The following CPAMD8 variants were observed in gnomAD, a reference collection of about 807,000 sequenced individuals.
CPAMD8 encodes the protein C3 and PZP like alpha-2-macroglobulin domain containing 8.
CPAMD8 carries 146 observed loss-of-function variants against 224.7 expected under a neutral mutation model. The observed-to-expected ratio is 0.65, with a 90% CI of 0.57 to 0.75. The LOEUF is 0.75. Ranked by LOEUF, CPAMD8 falls within the 30% of genes least tolerant of loss-of-function variation. The pLI is 0.00. For missense variants in CPAMD8, 2,301 were observed against 2,537.5 expected (o/e 0.91, Z 2.00); for synonymous variants, 966 against 1,044.6 (o/e 0.92, Z 1.45).
chr19:16,962,262 C>A (rs1298586223), intron 18 of CPAMD8, among the ~76,000 whole-genome samples: 1 of 152,164 alleles, frequency 6.6e-6, no homozygotes, highest in African/African-American at 2.4e-5. Flanking sequence ...GGAGCACGTT[C>A]AAACCCATCG....
chr19:16,901,997 C>A (rs978413882), intron 35 of CPAMD8, among the ~76,000 whole-genome samples: 3 of 152,104 alleles, frequency 2.0e-5, no homozygotes, highest in African/African-American at 4.8e-5. Flanking sequence ...ACTCACCCAC[C>A]AATCGTCGCC....
intron 31 of CPAMD8, 22 bp downstream of exon 31, chr19:16,904,444 C>G: frequency 9.3e-6 from 15 of 1,613,852 alleles, no homozygotes; most frequent in Non-Finnish European, 1.3e-5. Flanking sequence ...GGCAGGCACC[C>G]GGGAGCTGGG....
chr19:16,988,705 C>CTTAT (rs2055832183), intron 13 of CPAMD8, among the ~76,000 whole-genome samples: 4 of 152,116 alleles, frequency 2.6e-5, no homozygotes, highest in Admixed American at 6.5e-5. Flanking sequence ...GATAAGGGAT[C>CTTAT]CCTGTGTCAG....
chr19:16,996,762 T>C (rs1266019514), intron 11 of CPAMD8, among the ~76,000 whole-genome samples: 1 of 143,342 alleles, frequency 7.0e-6, no homozygotes, highest in African/African-American at 2.6e-5. Context: ...GAGGTTGCAG[T>C]GAGCCGAGAT....
intron 30 of CPAMD8, among the ~76,000 whole-genome samples, chr19:16,905,914 C>T (rs1255122091): frequency 6.6e-6 from 1 of 152,004 alleles, no homozygotes; most frequent in African/African-American, 2.4e-5. Context: ...GGTGGGGAGA[C>T]TGACAGCTCA....
At chr19:17,020,918 C>T (rs1456429367) in intron 2 of CPAMD8, among the ~76,000 whole-genome samples, 1 of 152,048 alleles carries the variant, frequency 6.6e-6, no homozygotes, top group African/African-American at 2.4e-5. Flanking sequence ...CTGCCCAGCA[C>T]ACAACGCACG....
rs1555779271 is a variant in CPAMD8, at chr19:16,967,884, C to CACACACGTGTGTATATATGTGCATATAT, written c.2213+3006_2213+3007insATATATGCACATATATACACACGTGTGT. 8.2e-4 allele frequency among the ~76,000 whole-genome samples: 70 copies of CACACACGTGTGTATATATGTGCATATAT among 85,640 alleles called. 1 individual carries two copies. The highest frequency in any genetic ancestry group is 7.9e-3 in the East Asian group (33 of 4,160). The allele number at this position is 85,640 out of a possible 152,430, so 56.2% of individuals were successfully genotyped here. On this transcript the variant is annotated intron_variant, in intron 18 of 41. Coordinates refer to ENST00000443236, the MANE Select transcript of CPAMD8 (RefSeq NM_015692.5). ...ATACTTGTATATATGTGCATATATA[C>CACACACGTGTGTATATATGTGCATATAT]ACACACATGTGTGTGTATATATGTG...
intron 7 of CPAMD8, among the ~76,000 whole-genome samples, chr19:17,006,108 A>T (rs8102384): frequency 1.3e-4 from 19 of 151,860 alleles, no homozygotes; most frequent in Admixed American, 2.6e-4. Flanking sequence ...GACTTTAGGC[A>T]CCCGCCACCA....
rs770207491 is a variant in CPAMD8 at position 16,928,236 on chromosome 19, T to G, written c.3145-2A>C. ...GGATGGCTCTGGACCATGGCCAACC[T>G]GGAAAAAGAAACCAAGGCTGCTGGA... On this transcript the variant is annotated splice_acceptor_variant, in intron 24 of 41. Transcript: ENST00000443236. LOFTEE classifies it high-confidence loss of function. 6.2e-7 allele frequency: 1 copy of G among 1,608,234 alleles called. No homozygotes were observed. Among genetic ancestry groups the G allele is most frequent in the Admixed American group, 1.7e-5 (1 of 59,858 alleles).
chr19:16,930,504 G>C (rs1031002784), intron 23 of CPAMD8, among the ~76,000 whole-genome samples: 2 of 152,176 alleles, frequency 1.3e-5, no homozygotes, highest in African/African-American at 4.8e-5. Context: ...CAACAGAGAA[G>C]TGACAAGAAA....
In CPAMD8 at chr19:16,967,626, G is replaced by A. The variant is rs968082862; in HGVS notation, c.2213+3265C>T. Among the ~76,000 whole-genome samples, 11 of 151,876 alleles carry A rather than the reference G, an allele frequency of 7.2e-5. 1 individual carries two copies. The highest frequency in any genetic ancestry group is 2.7e-4 in the African/African-American group (11 of 41,358). Reference sequence around the variant, plus strand: ...TGGAGACCATCCTGGCTAACATGGTGAAACCCCGTCTCTACTAAAAAATAC... The same window carrying A: ...TGGAGACCATCCTGGCTAACATGGTAAAACCCCGTCTCTACTAAAAAATAC... On this transcript the variant is annotated intron_variant, in intron 18 of 41. Transcript: ENST00000443236.
intron 32 of CPAMD8, 38 bp downstream of exon 32, chr19:16,904,188 C>A: frequency 1.5e-6 from 2 of 1,370,608 alleles, no homozygotes; most frequent in South Asian, 2.5e-5. Context: ...CCCACCCACC[C>A]AGCCCTGAGC....
At chr19:16,917,994 T>C (rs1043259924) in intron 27 of CPAMD8, among the ~76,000 whole-genome samples, 1 of 152,130 alleles carries the variant, frequency 6.6e-6, no homozygotes, top group Admixed American at 6.6e-5. Flanking sequence ...CCGTGAACTT[T>C]ATTTTTTATT....
intron 23 of CPAMD8, among the ~76,000 whole-genome samples, chr19:16,937,374 T>C (rs1267469932): frequency 6.6e-6 from 1 of 152,096 alleles, no homozygotes; most frequent in East Asian, 1.9e-4. Context: ...GCCCAGGCTG[T>C]CCTGTGTTTT....
rs1332637434 is a variant in CPAMD8 at position 17,026,801 on chromosome 19, C to G, written c.-159G>C. On this transcript the variant is annotated 5_prime_UTR_variant, in exon 1 of 42. Transcript: ENST00000443236. Reference sequence around the variant, plus strand: ...GGCGCCATGCGCCCCGCTCCGCGCCCGGCCAAGCTGGGGCAGCCCCGGGCC... The same window carrying G: ...GGCGCCATGCGCCCCGCTCCGCGCCGGGCCAAGCTGGGGCAGCCCCGGGCC... 1.0e-5 allele frequency: 11 copies of G among 1,084,748 alleles called. No homozygotes were observed. The highest frequency in any genetic ancestry group is 6.7e-5 in the African/African-American group (4 of 59,294). The allele number at this position is 1,084,748 out of a possible 1,614,324, so 67.2% of individuals were successfully genotyped here.
At chr19:17,008,354 G>T in intron 7 of CPAMD8, 151 bp downstream of exon 7, 1 of 946,064 alleles carries the variant, frequency 1.1e-6, no homozygotes, top group Non-Finnish European at 1.6e-6. Flanking sequence ...TCACCTCCCA[G>T]GTGGGTACCT....
chr19:16,974,855 G>C (rs2055198097), intron 17 of CPAMD8, among the ~76,000 whole-genome samples: 1 of 152,106 alleles, frequency 6.6e-6, no homozygotes, highest in Non-Finnish European at 1.5e-5. Flanking sequence ...TGCACCTGTA[G>C]TGCCAGCTAC....
chr19:16,956,953 A>G (rs2054492018), intron 19 of CPAMD8, among the ~76,000 whole-genome samples: 1 of 152,088 alleles, frequency 6.6e-6, no homozygotes, highest in African/African-American at 2.4e-5. Context: ...GGCATGAGCT[A>G]CCATGCCCAG....
intron 23 of CPAMD8, among the ~76,000 whole-genome samples, chr19:16,932,827 C>T (rs1003806918): frequency 1.3e-5 from 2 of 152,174 alleles, no homozygotes; most frequent in Non-Finnish European, 2.9e-5. Flanking sequence ...ATTTAGGCAT[C>T]CAGATACAGG....
Sources: gnomAD v4.1 joint callset for allele counts (sites outside exome capture counted in the v4.1 genomes callset) on GRCh38, gnomAD v4.1.1 for gene constraint, MANE v1.5 for transcripts, NCBI Gene and HGNC (gene_info 2026-07-23, HGNC 2026-07-21) for gene names.